Variants in SLC12A1 observed in about 807,000 individuals in gnomAD.
SLC12A1 encodes solute carrier family 12 member 1, also known as Na-K-2Cl cotransporter.
Under a neutral mutation model 130.4 loss-of-function variants are expected in SLC12A1, and 89 were observed. That is an observed-to-expected ratio of 0.68 (90% CI 0.58 to 0.81). The LOEUF (loss-of-function observed/expected upper bound fraction) is 0.81. Ranked by LOEUF, SLC12A1 falls within the 40% of genes least tolerant of loss-of-function variation. The pLI is 0.00. For missense variants in SLC12A1, 1,310 were observed against 1,336.4 expected (o/e 0.98, Z 0.31); for synonymous variants, 499 against 460.0 (o/e 1.08, Z -1.09).
intron 19 of SLC12A1, among the ~76,000 whole-genome samples, chr15:48,273,662 A>G (rs1457298946): frequency 6.6e-6 from 1 of 152,210 alleles, no homozygotes; most frequent in Non-Finnish European, 1.5e-5. Flanking sequence ...TTAAGTAAAG[A>G]TTACTTATGG....
At chr15:48,275,161 T>G (rs1015664338) in intron 20 of SLC12A1, among the ~76,000 whole-genome samples, 2 of 152,170 alleles carry the variant, frequency 1.3e-5, no homozygotes, top group African/African-American at 4.8e-5. Flanking sequence ...CTGTAGAGAA[T>G]TTGGTATATT....
chr15:48,244,566 C>T (rs1314435737), intron 10 of SLC12A1, among the ~76,000 whole-genome samples, 187 bp from the exon 11 acceptor site: 1 of 152,112 alleles, frequency 6.6e-6, no homozygotes, highest in African/African-American at 2.4e-5. Flanking sequence ...GAAATGGCAG[C>T]CTGTTACAGA....
intron 17 of SLC12A1, among the ~76,000 whole-genome samples, chr15:48,264,662 A>G (rs1357854702): frequency 6.6e-6 from 1 of 152,180 alleles, no homozygotes; most frequent in Non-Finnish European, 1.5e-5. Flanking sequence ...AGAAAGGGAA[A>G]AATTTTCTTT....
intron 9 of SLC12A1, among the ~76,000 whole-genome samples, chr15:48,240,799 C>T (rs1025424207): frequency 1.9e-4 from 29 of 152,048 alleles, no homozygotes; most frequent in African/African-American, 6.5e-4. Flanking sequence ...CAATATGCTA[C>T]TTAAGAATTG....
rs370530503 is a variant in SLC12A1 at position 48,302,923 on chromosome 15, T to C, written c.*38T>C. On this transcript the variant is annotated 3_prime_UTR_variant, in exon 27 of 27. Transcript: ENST00000380993. ...TGGAATACATTTTAACTTAATGTAA[T>C]GCATAATTAAGAAACATGTTCCAGT... The C allele has an allele frequency of 2.6e-5, 38 of 1,469,516 alleles. No homozygotes were observed. In the African/African-American group the frequency reaches 4.7e-4, roughly 18 times the overall value. 91.0% of individuals were successfully genotyped at this position (1,469,516 alleles called of 1,614,324 possible). A position where few individuals can be genotyped will look rare whatever the true frequency, so the allele number is the denominator to read the frequency against.
chr15:48,244,804 C>A lies in SLC12A1; in HGVS notation c.1352C>A (p.Ser451Tyr), dbSNP rs772609987. ...GGGAACATGAATGACACCATCATTT[C>A]TGGGATGAACTGCAATGGTTCAGCA... ...ATGNMNDTIISGMNCNGSAAC... is the reference protein window; with the variant it reads ...ATGNMNDTIIYGMNCNGSAAC... The change falls in exon 11 of 27, where the codon TCT becomes TAT. Residue 451 changes from serine to tyrosine, a missense_variant. Physicochemically the swap from Ser to Tyr is moderately radical, Grantham distance 144. Coordinates refer to ENST00000380993, the MANE Select transcript of SLC12A1 (RefSeq NM_000338.3). The A allele has an allele frequency of 4.3e-6, 7 of 1,613,824 alleles. No homozygotes were observed. In the African/African-American group the frequency reaches 9.3e-5, roughly 22 times the overall value.
At chr15:48,226,683 G>A in intron 5 of SLC12A1, 112 bp downstream of exon 5, 1 of 716,876 alleles carries the variant, frequency 1.4e-6, no homozygotes, top group Non-Finnish European at 2.4e-6. Flanking sequence ...CTTGAAGCCT[G>A]GCTATTTGGA....
At chr15:48,284,391 A>G (rs1401155014) in intron 20 of SLC12A1, among the ~76,000 whole-genome samples, 1 of 152,210 alleles carries the variant, frequency 6.6e-6, no homozygotes, top group Non-Finnish European at 1.5e-5. Flanking sequence ...GTACTTCTGT[A>G]ATTTTGTCAC....
chr15:48,292,103 T>A (rs2042128096), intron 24 of SLC12A1, among the ~76,000 whole-genome samples: 3 of 152,234 alleles, frequency 2.0e-5, no homozygotes, highest in African/African-American at 7.2e-5. Context: ...GATTAGTTAG[T>A]ATTTTAGAAT....
At chr15:48,245,823 A>T (rs1017875235) in intron 11 of SLC12A1, among the ~76,000 whole-genome samples, 1 of 152,198 alleles carries the variant, frequency 6.6e-6, no homozygotes, top group African/African-American at 2.4e-5. Flanking sequence ...GTCCTGTTTT[A>T]AGTTCGTTGA....
intron 14 of SLC12A1, among the ~76,000 whole-genome samples, chr15:48,250,674 C>CCACACACACACACACA (rs750040638): frequency 2.9e-4 from 16 of 56,128 alleles, no homozygotes; most frequent in African/African-American, 3.7e-4. Context: ...AAAATGTCTG[C>CCACACACACACACACA]CTCACACACA....
chr15:48,288,188 G>A lies in SLC12A1; in HGVS notation c.2761+14G>A, dbSNP rs749078562. Reference sequence around the variant, plus strand: ...TTGATGATGGAGGTAAAAACTTTCAGAAAATACACTAGGGACAAGAATTTC... The same window carrying A: ...TTGATGATGGAGGTAAAAACTTTCAAAAAATACACTAGGGACAAGAATTTC... On this transcript the variant is annotated intron_variant, in intron 22 of 26. Coordinates refer to ENST00000380993, the MANE Select transcript of SLC12A1 (RefSeq NM_000338.3). 1.2e-6 allele frequency: 2 copies of A among 1,604,070 alleles called. No homozygotes were observed. Among genetic ancestry groups the A allele is most frequent in the East Asian group, 4.5e-5 (2 of 44,720 alleles).
At chr15:48,248,669 C>T (rs117253679) in intron 13 of SLC12A1, among the ~76,000 whole-genome samples, 2,309 of 152,266 alleles carry the variant, frequency 0.015, 75 homozygotes, top group Admixed American at 0.069. Context: ...TAAAGGATGA[C>T]GTCTCTATAT....
At chr15:48,237,304 G>T in intron 9 of SLC12A1, 2 of 313,824 alleles carry the variant, frequency 6.4e-6, no homozygotes, top group Non-Finnish European at 1.2e-5. Flanking sequence ...GCAGAGTAGT[G>T]TATGTAATCC....
At chr15:48,226,822 A>G in intron 5 of SLC12A1, 1 of 588,052 alleles carries the variant, frequency 1.7e-6, no homozygotes, top group Non-Finnish European at 3.0e-6. Flanking sequence ...CCTTAGGTAA[A>G]CTTTTTCTTT....
intron 26 of SLC12A1, 119 bp downstream of exon 26, chr15:48,301,501 T>TGGGGG (rs1566862503): frequency 1.3e-5 from 6 of 448,574 alleles, no homozygotes; most frequent in African/African-American, 3.7e-5. Context: ...TGTGTTTTTT[T>TGGGGG]TGGGGGGGGG....
At chr15:48,227,598 G>A (rs2041307912) in intron 5 of SLC12A1, 1 of 183,840 alleles carries the variant, frequency 5.4e-6, no homozygotes, top group Non-Finnish European at 1.1e-5. Flanking sequence ...CAAACGCTGT[G>A]CTCCCAATGA....
intron 19 of SLC12A1, among the ~76,000 whole-genome samples, chr15:48,274,011 T>C (rs945407455): frequency 6.6e-6 from 1 of 152,170 alleles, no homozygotes; most frequent in Non-Finnish European, 1.5e-5. Context: ...TCCTTTGGGT[T>C]GAATACAGAG....
intron 15 of SLC12A1, among the ~76,000 whole-genome samples, chr15:48,252,510 A>T (rs2041659761): frequency 6.6e-6 from 1 of 152,176 alleles, no homozygotes; most frequent in African/African-American, 2.4e-5. Flanking sequence ...ACACTTAAGG[A>T]ATTAATTATG....
Sources: gnomAD v4.1 joint callset for allele counts (sites outside exome capture counted in the v4.1 genomes callset) on GRCh38, gnomAD v4.1.1 for gene constraint, MANE v1.5 for transcripts, NCBI Gene and HGNC (gene_info 2026-07-23, HGNC 2026-07-21) for gene names.